IGF1R: variants seen among roughly 807,000 people sequenced by gnomAD.
The protein encoded by IGF1R is insulin-like growth factor 1 receptor.
Under a neutral mutation model 144.6 loss-of-function variants are expected in IGF1R, and 44 were observed. That is an observed-to-expected ratio of 0.30 (90% confidence interval 0.24 to 0.39). The LOEUF (loss-of-function observed/expected upper bound fraction) is 0.39, where lower values mean the gene tolerates loss of function less well. Among genes scored for constraint, IGF1R ranks in the 10% least tolerant of loss-of-function variants. The pLI is 1.00. For missense variants in IGF1R, 1,355 were observed against 1,833.7 expected (o/e 0.74, Z 4.77); for synonymous variants, 795 against 722.8 (o/e 1.10, Z -1.60).
chr15:98,665,933 C>T (rs537009349), intron 1 of IGF1R, among the ~76,000 whole-genome samples: 5 of 152,182 alleles, frequency 3.3e-5, no homozygotes, highest in African/African-American at 9.6e-5. Flanking sequence ...TCTTGCTAAG[C>T]GAATATTGCC....
At chr15:98,834,481 T>G (rs2057058455) in intron 2 of IGF1R, among the ~76,000 whole-genome samples, 2 of 152,236 alleles carry the variant, frequency 1.3e-5, no homozygotes, top group Admixed American at 1.3e-4. Context: ...TCACACTTAC[T>G]TCTGTTTTAT....
At chr15:98,685,363 G>C (rs2053300193) in intron 1 of IGF1R, among the ~76,000 whole-genome samples, 1 of 152,148 alleles carries the variant, frequency 6.6e-6, no homozygotes. Flanking sequence ...TAGATGCCTG[G>C]ATGCTTACAT....
chr15:98,963,995 T>G lies in IGF1R; in HGVS notation c.*6553T>G, dbSNP rs1232516835. 1.3e-5 allele frequency: 3 copies of G among 233,128 alleles called. No homozygotes were observed. The highest frequency in any genetic ancestry group is 1.1e-4 in the Admixed American group (2 of 17,776). 14.4% of individuals were successfully genotyped at this position (233,128 alleles called of 1,614,324 possible). On this transcript the variant is annotated 3_prime_UTR_variant, in exon 21 of 21. Transcript: ENST00000650285. The stretch of plus-strand genomic sequence containing the variant: ...TTTTGTTTTCAACTTTTCATTTGGA[T>G]GTTTGGCGTTGCACACACACATCCA...
At chr15:98,722,842 C>G (rs1184703023) in intron 2 of IGF1R, among the ~76,000 whole-genome samples, 1 of 151,886 alleles carries the variant, frequency 6.6e-6, no homozygotes, top group Non-Finnish European at 1.5e-5. Flanking sequence ...ACTGAGTGCC[C>G]CGAGTTTCCT....
intron 2 of IGF1R, among the ~76,000 whole-genome samples, chr15:98,733,662 T>G (rs572843486): frequency 6.6e-6 from 1 of 152,136 alleles, no homozygotes; most frequent in Non-Finnish European, 1.5e-5. Context: ...GTTTGCTGTC[T>G]GACTACCTGA....
At chr15:98,854,409 T>C (rs2011677733) in intron 2 of IGF1R, among the ~76,000 whole-genome samples, 1 of 152,222 alleles carries the variant, frequency 6.6e-6, no homozygotes, top group Admixed American at 6.5e-5. Flanking sequence ...TTAGGGATTT[T>C]GCCTGGCACT....
intron 6 of IGF1R, among the ~76,000 whole-genome samples, chr15:98,910,821 G>A (rs575396080): frequency 6.6e-6 from 1 of 152,214 alleles, no homozygotes; most frequent in East Asian, 1.9e-4. Context: ...ACCAAGAAAA[G>A]TTCCTTTCTG....
intron 2 of IGF1R, among the ~76,000 whole-genome samples, chr15:98,820,422 A>G (rs1365462773): frequency 1.3e-5 from 2 of 152,260 alleles, no homozygotes; most frequent in South Asian, 2.1e-4. Flanking sequence ...CTTGCATTAA[A>G]AAGAATATAA....
chr15:98,783,435 A>G (rs1211363848), intron 2 of IGF1R, among the ~76,000 whole-genome samples: 1 of 152,204 alleles, frequency 6.6e-6, no homozygotes. Flanking sequence ...AAGTTTTTCC[A>G]TCAGCATAAT....
At chr15:98,888,699 G>A (rs1325602968) in intron 2 of IGF1R, among the ~76,000 whole-genome samples, 1 of 152,140 alleles carries the variant, frequency 6.6e-6, no homozygotes. Flanking sequence ...TAAATGGACA[G>A]GAATGGGTTT....
At chr15:98,740,863 A>G (rs1420684275) in intron 2 of IGF1R, among the ~76,000 whole-genome samples, 1 of 152,162 alleles carries the variant, frequency 6.6e-6, no homozygotes, top group Non-Finnish European at 1.5e-5. Context: ...TCTCTTATGT[A>G]TCTGGACTGG....
chr15:98,878,612 A>G (rs749693085), intron 2 of IGF1R, among the ~76,000 whole-genome samples: 57 of 145,948 alleles, frequency 3.9e-4, no homozygotes, highest in Non-Finnish European at 6.4e-4. Context: ...AAGAGTTGCA[A>G]AATAGTCACC....
chr15:98,892,432 C>T (rs1022149774), intron 3 of IGF1R, among the ~76,000 whole-genome samples: 1 of 145,090 alleles, frequency 6.9e-6, no homozygotes, highest in East Asian at 2.1e-4. Flanking sequence ...TACTCCGAGG[C>T]AGGAGAATTG....
rs548348481 is a variant in IGF1R, at chr15:98,935,480, T to C, written c.3297+54T>C. On this transcript the variant is annotated intron_variant, in intron 17 of 20. Coordinates refer to ENST00000650285, the MANE Select transcript of IGF1R (RefSeq NM_000875.5). The surrounding 1 kb of genome is among the most constrained non-coding windows in gnomAD (Gnocchi z 4.2). ...TGTTGCCTGGCCTGCTCTCTTTTCC[T>C]TTATAATCTCCCTGCAAGGAAATGC... 133 of 1,030,206 alleles carry C rather than the reference T, an allele frequency of 1.3e-4. No homozygotes were observed. In the African/African-American group the frequency reaches 1.9e-3, roughly 15 times the overall value. 63.8% of individuals were successfully genotyped at this position (1,030,206 alleles called of 1,614,324 possible).
intron 2 of IGF1R, among the ~76,000 whole-genome samples, chr15:98,885,874 T>G (rs532045588): frequency 5.8e-4 from 86 of 148,800 alleles, no homozygotes; most frequent in African/African-American, 2.0e-3. Flanking sequence ...TGGAGTAAAA[T>G]GGTGCAATCT....
At chr15:98,834,281 A>G (rs946460538) in intron 2 of IGF1R, among the ~76,000 whole-genome samples, 7 of 152,220 alleles carry the variant, frequency 4.6e-5, no homozygotes, top group African/African-American at 1.4e-4. Context: ...AGCCTCAGCA[A>G]GTGTTTATGG....
chr15:98,964,318 CAGT>C lies in IGF1R; in HGVS notation c.*6879_*6881del, dbSNP rs1364874350. On this transcript the variant is annotated 3_prime_UTR_variant, in exon 21 of 21. Transcript: ENST00000650285. ...AAAAAATCCTGTTTATATAAAAAAT[CAGT>C]AGATGAAAAAAATTTCAAAATGTTT... 3.9e-5 allele frequency: 9 copies of C among 231,036 alleles called. No individual in the cohort carries two copies. Among genetic ancestry groups the C allele is most frequent in the East Asian group, 6.2e-5 (1 of 16,070 alleles). 14.3% of individuals were successfully genotyped at this position (231,036 alleles called of 1,614,324 possible).
chr15:98,809,116 G>T (rs889286588), intron 2 of IGF1R, among the ~76,000 whole-genome samples: 3 of 152,292 alleles, frequency 2.0e-5, no homozygotes, highest in South Asian at 4.1e-4. Flanking sequence ...CCCTGACGAG[G>T]TCTATATATT....
At position 98,961,604 on chromosome 15, in the gene IGF1R, G is replaced by C. The variant is rs1221145349; in HGVS notation, c.*4162G>C. 1 of 233,564 alleles carries C rather than the reference G, an allele frequency of 4.3e-6. No homozygotes were observed. The highest frequency in any genetic ancestry group is 8.5e-6 in the Non-Finnish European group (1 of 118,056). The allele number at this position is 233,564 out of a possible 1,614,324, so 14.5% of individuals were successfully genotyped here. On this transcript the variant is annotated 3_prime_UTR_variant, in exon 21 of 21. Coordinates refer to ENST00000650285, the MANE Select transcript of IGF1R (RefSeq NM_000875.5). Reference sequence around the variant, plus strand: ...TTTTCCATGCAACCTCCTTCTGCCAGCAGCTCACACTGCTTGAAGTCATAT... The same window carrying C: ...TTTTCCATGCAACCTCCTTCTGCCACCAGCTCACACTGCTTGAAGTCATAT...
Sources: gnomAD v4.1 joint callset for allele counts (sites outside exome capture counted in the v4.1 genomes callset) on GRCh38, gnomAD v4.1.1 for gene constraint, Gnocchi (gnomAD v3.1) non-coding constraint, MANE v1.5 for transcripts, NCBI Gene and HGNC (gene_info 2026-07-23, HGNC 2026-07-21) for gene names.